Variants in ZNF521 observed in about 807,000 individuals in gnomAD.
ZNF521 encodes LYST-interacting protein 3.
ZNF521 carries 14 observed loss-of-function variants against 105.5 expected under a neutral mutation model. That is an observed-to-expected ratio of 0.13 (90% CI 0.09 to 0.21). The LOEUF (loss-of-function observed/expected upper bound fraction) is 0.21. Ranked by LOEUF, ZNF521 falls within the 10% of genes least tolerant of loss-of-function variation. The pLI, the probability that ZNF521 is intolerant of heterozygous loss-of-function variation, is 1.00. For missense variants in ZNF521, 1,233 were observed against 1,629.7 expected (o/e 0.76, Z 4.19); for synonymous variants, 635 against 606.0 (o/e 1.05, Z -0.70).
chr18:25,119,691 A>C (rs1444117146), intron 5 of ZNF521, among the ~76,000 whole-genome samples: 1 of 152,144 alleles, frequency 6.6e-6, no homozygotes, highest in East Asian at 1.9e-4. Context: ...TTTTAGAAAG[A>C]AATTTAAGAG....
intron 3 of ZNF521, among the ~76,000 whole-genome samples, chr18:25,247,520 T>C (rs1383180405): frequency 6.6e-6 from 1 of 152,212 alleles, no homozygotes; most frequent in Non-Finnish European, 1.5e-5. Flanking sequence ...ACTCCACTCC[T>C]AGAAATTCTT....
At chr18:25,296,349 T>G (rs1389576868) in intron 3 of ZNF521, among the ~76,000 whole-genome samples, 1 of 152,188 alleles carries the variant, frequency 6.6e-6, no homozygotes. Flanking sequence ...CTTGAATCCT[T>G]CTATCTAGAG....
At chr18:25,337,154 G>A (rs1406743303) in intron 2 of ZNF521, among the ~76,000 whole-genome samples, 1 of 152,188 alleles carries the variant, frequency 6.6e-6, no homozygotes, top group Admixed American at 6.5e-5. Context: ...ATTCTGCGAG[G>A]TTGGGGACAC....
intron 2 of ZNF521, among the ~76,000 whole-genome samples, chr18:25,322,825 A>T (rs1044303741): frequency 2.0e-5 from 3 of 152,234 alleles, no homozygotes; most frequent in Non-Finnish European, 2.9e-5. Flanking sequence ...TATCCAAAAA[A>T]GTGAAATAAG....
chr18:25,301,356 A>G (rs981319053), intron 3 of ZNF521, among the ~76,000 whole-genome samples: 3 of 152,210 alleles, frequency 2.0e-5, no homozygotes, highest in African/African-American at 7.2e-5. Flanking sequence ...GCAATTGCAG[A>G]GACTTGATCA....
chr18:25,337,428 A>C (rs747696363), intron 2 of ZNF521, among the ~76,000 whole-genome samples: 3 of 152,240 alleles, frequency 2.0e-5, no homozygotes, highest in African/African-American at 4.8e-5. Flanking sequence ...TTTTCTTAAT[A>C]ATATGAGCTG....
At chr18:25,301,111 C>T (rs1911618973) in intron 3 of ZNF521, among the ~76,000 whole-genome samples, 3 of 152,106 alleles carry the variant, frequency 2.0e-5, no homozygotes, top group South Asian at 2.1e-4. Flanking sequence ...ATATCTATAC[C>T]CAGTTTTACG....
chr18:25,287,456 CTG>C (rs1461351609), intron 3 of ZNF521, among the ~76,000 whole-genome samples: 2 of 152,038 alleles, frequency 1.3e-5, no homozygotes, highest in Non-Finnish European at 2.9e-5. Context: ...TATGTGTCCC[CTG>C]TGATTCTGTG....
chr18:25,172,201 A>G (rs1262079676), intron 5 of ZNF521, among the ~76,000 whole-genome samples: 2 of 152,192 alleles, frequency 1.3e-5, no homozygotes, highest in Non-Finnish European at 2.9e-5. Context: ...CTGAAATTAT[A>G]TCAGACATTC....
chr18:25,103,180 G>A (rs1032027023), intron 5 of ZNF521, among the ~76,000 whole-genome samples: 7 of 152,026 alleles, frequency 4.6e-5, no homozygotes, highest in African/African-American at 9.7e-5. Flanking sequence ...GGTGCTCCTA[G>A]AGGGGCTAGG....
At chr18:25,147,287 G>C (rs150546736) in intron 5 of ZNF521, among the ~76,000 whole-genome samples, 2,015 of 152,170 alleles carry the variant, frequency 0.013, 43 homozygotes, top group African/African-American at 0.045. Flanking sequence ...TAGAGTCTAA[G>C]GGGGCATTTT....
At chr18:25,246,288 T>C (rs544075280) in intron 3 of ZNF521, among the ~76,000 whole-genome samples, 2 of 152,248 alleles carry the variant, frequency 1.3e-5, no homozygotes, top group Non-Finnish European at 2.9e-5. Flanking sequence ...AGCTTTAAAA[T>C]AGCTATAAAT....
intron 5 of ZNF521, among the ~76,000 whole-genome samples, chr18:25,131,760 C>T (rs1463443683): frequency 1.3e-5 from 2 of 152,120 alleles, no homozygotes; most frequent in African/African-American, 4.8e-5. Flanking sequence ...TAGTAATATC[C>T]TCTAGTTAAT....
chr18:25,107,961 T>C (rs2034106870), intron 5 of ZNF521, among the ~76,000 whole-genome samples: 1 of 152,254 alleles, frequency 6.6e-6, no homozygotes, highest in South Asian at 2.1e-4. Flanking sequence ...TGGTACAACA[T>C]GCTGAAGAGG....
chr18:25,308,871 G>A (rs1019283569), intron 3 of ZNF521, among the ~76,000 whole-genome samples: 1 of 151,894 alleles, frequency 6.6e-6, no homozygotes, highest in Non-Finnish European at 1.5e-5. Flanking sequence ...AGCAAGAAAT[G>A]GTGCCTTAAA....
At chr18:25,090,588 C>A (rs1237430342) in intron 6 of ZNF521, among the ~76,000 whole-genome samples, 4 of 152,258 alleles carry the variant, frequency 2.6e-5, no homozygotes, top group Middle Eastern at 3.4e-3. Flanking sequence ...CGTCTGTCTG[C>A]ACAGAAAATG....
At chr18:25,148,021 ACACCAAGATCCAG>A in intron 5 of ZNF521, among the ~76,000 whole-genome samples, 1 of 152,258 alleles carries the variant, frequency 6.6e-6, no homozygotes, top group Admixed American at 6.5e-5. Context: ...CAGCAGGGAC[ACACCAAGATCCAG>A]CTGGCCCCTA....
At chr18:25,278,181 A>C (rs964693023) in intron 3 of ZNF521, among the ~76,000 whole-genome samples, 1 of 152,228 alleles carries the variant, frequency 6.6e-6, no homozygotes, top group African/African-American at 2.4e-5. Flanking sequence ...TCATGTACCC[A>C]AAAATGTGGT....
intron 5 of ZNF521, among the ~76,000 whole-genome samples, chr18:25,183,596 C>T (rs58891396): frequency 0.024 from 3,697 of 152,096 alleles, 159 homozygotes; most frequent in African/African-American, 0.085. Flanking sequence ...TCTTAAAATC[C>T]CATTTGAATA....
Sources: allele counts gnomAD v4.1 joint callset (sites outside exome capture counted in the v4.1 genomes callset), GRCh38; gene constraint gnomAD v4.1.1; transcripts MANE v1.5; gene names NCBI Gene and HGNC (gene_info 2026-07-23, HGNC 2026-07-21).